The following DPP6 variants were observed in gnomAD, a reference collection of about 807,000 sequenced individuals.
The protein encoded by DPP6 is dipeptidyl peptidase like 6, also known as A-type potassium channel modulatory protein DPP6.
Under a neutral mutation model 122.6 loss-of-function variants are expected in DPP6, and 69 were observed. That is an observed-to-expected ratio of 0.56 (90% CI 0.46 to 0.69). The LOEUF (loss-of-function observed/expected upper bound fraction) is 0.69. DPP6 is among the 30% of genes least tolerant of loss of function. The probability of loss-of-function intolerance (pLI) is 0.00; values close to 1 mark genes in which losing one functional copy is unlikely to be tolerated. For missense variants in DPP6, 928 were observed against 1,116.9 expected, an observed-to-expected ratio of 0.83 and a Z score of 2.41; for synonymous variants, 418 against 433.1, an observed-to-expected ratio of 0.97 and a Z score of 0.43.
At chr7:154,575,328 GT>G (rs1831515035) in intron 5 of DPP6, among the ~76,000 whole-genome samples, 2 of 131,720 alleles carry the variant, frequency 1.5e-5, no homozygotes, top group African/African-American at 5.8e-5. Flanking sequence ...GTGTGTATGT[GT>G]GTGTGGTGTG....
chr7:153,937,468 T>TG (rs1801507584), intron 1 of DPP6, among the ~76,000 whole-genome samples: 2 of 85,598 alleles, frequency 2.3e-5, no homozygotes, highest in Non-Finnish European at 4.4e-5. Context: ...TTTTTTTTTT[T>TG]GAGACAGTCT....
At chr7:154,178,867 G>A (rs1428770038) in intron 1 of DPP6, among the ~76,000 whole-genome samples, 2 of 152,174 alleles carry the variant, frequency 1.3e-5, no homozygotes, top group African/African-American at 4.8e-5. Flanking sequence ...AAGTTGGCAT[G>A]TCCACCACTA....
At chr7:153,851,680 A>T in the DPP6 span, among the ~76,000 whole-genome samples, 2 of 152,134 alleles carry the variant, frequency 1.3e-5, no homozygotes, top group African/African-American at 4.8e-5. Flanking sequence ...AAGTAGATTT[A>T]TTCTCCAAGA....
At chr7:154,669,315 T>A in intron 6 of DPP6, 45 bp from the exon 7 acceptor site, 1 of 1,551,612 alleles carries the variant, frequency 6.4e-7, no homozygotes, top group Non-Finnish European at 8.7e-7. Flanking sequence ...AAATTCTTGG[T>A]TCCCAACATT....
chr7:154,583,837 A>C (rs960850743), intron 5 of DPP6, among the ~76,000 whole-genome samples: 2 of 152,130 alleles, frequency 1.3e-5, no homozygotes, highest in Non-Finnish European at 2.9e-5. Context: ...CAGTGTGTGC[A>C]ACTGATCTCA....
chr7:154,147,481 CCTTCCTTCCTTT>C (rs1177781544), intron 1 of DPP6, among the ~76,000 whole-genome samples: 86 of 128,444 alleles, frequency 6.7e-4, no homozygotes, highest in African/African-American at 3.6e-3. Flanking sequence ...TTCCTTCCTT[CCTTCCTTCCTTT>C]CTTTTTCTGT....
chr7:154,384,753 A>C (rs1375146617), intron 1 of DPP6, among the ~76,000 whole-genome samples: 1 of 131,908 alleles, frequency 7.6e-6, no homozygotes, highest in Non-Finnish European at 1.5e-5. Context: ...TTTTTTTTTG[A>C]GACAGAGTCT....
At chr7:154,426,808 TAAAAAAA>T (rs34741334) in intron 1 of DPP6, among the ~76,000 whole-genome samples, 1 of 109,676 alleles carries the variant, frequency 9.1e-6, no homozygotes, top group Non-Finnish European at 2.0e-5. Context: ...TACTCTGCCT[TAAAAAAA>T]AAAAAAAAAA....
At chr7:154,854,478 G>T (rs946059743) in intron 17 of DPP6, among the ~76,000 whole-genome samples, 1 of 152,042 alleles carries the variant, frequency 6.6e-6, no homozygotes, top group Non-Finnish European at 1.5e-5. Context: ...GACCTCACAA[G>T]ATCCTTGCTG....
chr7:154,655,706 C>T (rs975443947), intron 6 of DPP6, among the ~76,000 whole-genome samples: 9 of 152,308 alleles, frequency 5.9e-5, no homozygotes, highest in African/African-American at 9.6e-5. Flanking sequence ...AGTGTGCTGC[C>T]GTGGCCTAAA....
rs1421255940 is a variant in DPP6 at position 154,422,043 on chromosome 7, C to A, written c.244-24171C>A. ...TGGTGAAACATTCTGGGATTAGAAT[C>A]GCAAGAAGTTGCTACCACCCTTTGG... On this transcript the variant is annotated intron_variant, in intron 1 of 25. Coordinates refer to ENST00000377770, the MANE Select transcript of DPP6 (RefSeq NM_130797.4). Among the ~76,000 whole-genome samples the A allele has an allele frequency of 4.6e-5, 7 of 152,176 alleles. No homozygotes were observed. The East Asian group carries it at 1.2e-3, about 25-fold the overall frequency.
chr7:154,122,078 T>C (rs550907074), intron 1 of DPP6, among the ~76,000 whole-genome samples: 37 of 152,354 alleles, frequency 2.4e-4, no homozygotes, highest in African/African-American at 8.7e-4. Context: ...GAAATTTGCA[T>C]GTAAAGCTAA....
chr7:153,936,574 A>C (rs1801453787), intron 1 of DPP6, among the ~76,000 whole-genome samples: 1 of 152,042 alleles, frequency 6.6e-6, no homozygotes, highest in African/African-American at 2.4e-5. Context: ...TGGGAGGCCG[A>C]GACAGCCGGA....
chr7:154,856,571 A>T (rs1166835002), intron 17 of DPP6, among the ~76,000 whole-genome samples: 2 of 152,240 alleles, frequency 1.3e-5, no homozygotes, highest in East Asian at 3.8e-4. Flanking sequence ...CAAGTGCAAC[A>T]TGCTAATATG....
At chr7:154,454,352 C>A (rs77495800) in intron 2 of DPP6, among the ~76,000 whole-genome samples, 2,308 of 152,260 alleles carry the variant, frequency 0.015, 50 homozygotes, top group African/African-American at 0.051. Context: ...TGTTTCTGCC[C>A]AAAGTTAACT....
At position 154,700,482 on chromosome 7, in the gene DPP6, G is replaced by A. The variant is rs991069819; in HGVS notation, c.763-27285G>A. 2.6e-5 allele frequency among the ~76,000 whole-genome samples: 4 copies of A among 152,202 alleles called. No homozygotes were observed. In the East Asian group the frequency reaches 7.7e-4, roughly 29 times the overall value. ...AAGGTTTCAGAATGTTCAGACTCAA[G>A]TTGGGCCTGGAGCATTTTAGGCTGA... On this transcript the variant is annotated intron_variant, in intron 7 of 25. Coordinates refer to ENST00000377770, the MANE Select transcript of DPP6 (RefSeq NM_130797.4).
chr7:153,862,941 C>A, the DPP6 span, among the ~76,000 whole-genome samples: 2 of 151,738 alleles, frequency 1.3e-5, no homozygotes, highest in African/African-American at 2.4e-5. Context: ...AATAGACCAA[C>A]AGGGAAAAAT....
intron 8 of DPP6, among the ~76,000 whole-genome samples, chr7:154,759,477 A>T (rs1047364372): frequency 6.6e-6 from 1 of 152,218 alleles, no homozygotes; most frequent in Non-Finnish European, 1.5e-5. Context: ...GGGACCACCC[A>T]CGGGCTGGAC....
intron 1 of DPP6, among the ~76,000 whole-genome samples, chr7:154,055,081 C>G (rs1043673762): frequency 5.1e-5 from 7 of 137,276 alleles, no homozygotes; most frequent in Non-Finnish European, 9.2e-5. Context: ...AGATGTAAGT[C>G]CTGACATGCT....
Sources: allele counts gnomAD v4.1 joint callset (sites outside exome capture counted in the v4.1 genomes callset), GRCh38; gene constraint gnomAD v4.1.1; transcripts MANE v1.5; gene names NCBI Gene and HGNC (gene_info 2026-07-23, HGNC 2026-07-21).